MRPL22: variants seen among roughly 807,000 people sequenced by gnomAD.
MRPL22 encodes the protein mitochondrial ribosomal protein L22.
A neutral mutation model predicts 32.4 loss-of-function variants in MRPL22; 27 were observed. The ratio of observed to expected loss-of-function variants is 0.83; its 90% CI spans 0.61 to 1.15. The LOEUF (loss-of-function observed/expected upper bound fraction) is 1.15. Ranked by LOEUF, MRPL22 falls within the 50% of genes most tolerant of loss-of-function variation. MRPL22 has a pLI of 0.00. For missense variants in MRPL22, 239 were observed against 260.2 expected (o/e 0.92, Z 0.56); for synonymous variants, 86 against 87.3 (o/e 0.99, Z 0.08).
intron 2 of MRPL22, among the ~76,000 whole-genome samples, chr5:154,943,810 C>G (rs566809354): frequency 1.3e-5 from 2 of 151,820 alleles, no homozygotes; most frequent in Non-Finnish European, 2.9e-5. Context: ...GGATCACAGG[C>G]GTGCACTACT....
intron 3 of MRPL22, among the ~76,000 whole-genome samples, chr5:154,952,627 T>C (rs1012355145): frequency 6.6e-6 from 1 of 152,172 alleles, no homozygotes; most frequent in Non-Finnish European, 1.5e-5. Context: ...AGTAATTTAA[T>C]ATTGGTACAT....
At chr5:154,956,313 C>A in intron 3 of MRPL22, 58 bp from the exon 4 acceptor site, 1 of 1,220,922 alleles carries the variant, frequency 8.2e-7, no homozygotes, top group Non-Finnish European at 1.2e-6. Context: ...ATGTTATTGT[C>A]ATTTTGTGGT....
At chr5:154,942,185 A>G (rs748890301) in intron 2 of MRPL22, among the ~76,000 whole-genome samples, 5 of 152,190 alleles carry the variant, frequency 3.3e-5, no homozygotes, top group African/African-American at 7.2e-5. Context: ...GGCTGAAACA[A>G]TTCTCTTGCC....
Position 154,959,684 on chromosome 5 carries a change from A to G in MRPL22, c.340-296A>G, listed in dbSNP as rs569270117. Among the ~76,000 whole-genome samples the G allele has an allele frequency of 1.5e-4, 23 of 152,298 alleles. No individual in the cohort carries two copies. In the South Asian group the frequency reaches 4.6e-3, roughly 30 times the overall value. ...TTTTTGACAAGTTTCTGACTCAAAG[A>G]CATAATGTTCCTTCCCAAGGGTACT... On this transcript the variant is annotated intron_variant, in intron 5 of 6. Coordinates refer to ENST00000523037, the MANE Select transcript of MRPL22 (RefSeq NM_014180.4).
At chr5:154,953,639 T>TTA (rs918614025) in intron 3 of MRPL22, among the ~76,000 whole-genome samples, 7 of 151,308 alleles carry the variant, frequency 4.6e-5, no homozygotes, top group Non-Finnish European at 8.8e-5. Context: ...CTGATAATAA[T>TTA]ACCTTAATGT....
intron 2 of MRPL22, among the ~76,000 whole-genome samples, chr5:154,950,326 C>T (rs926524495): frequency 4.6e-5 from 7 of 152,146 alleles, no homozygotes; most frequent in Admixed American, 2.6e-4. Context: ...GACACAGAGC[C>T]GAGCCATATC....
rs767414752 is a variant in MRPL22, at chr5:154,941,152, A to G, written c.28+14A>G. The G allele has an allele frequency of 6.2e-6, 10 of 1,614,082 alleles. No homozygotes were observed. The highest frequency in any genetic ancestry group is 1.7e-5 in the Admixed American group (1 of 60,024). On this transcript the variant is annotated intron_variant, in intron 1 of 6. Coordinates refer to ENST00000523037, the MANE Select transcript of MRPL22 (RefSeq NM_014180.4). ...TGGGACAGTTGGGTAAGGATTTCTT[A>G]GTGGTTAAGCGACAGAAGGGAGTCG... is the stretch of plus-strand genomic sequence containing the variant.
intron 2 of MRPL22, among the ~76,000 whole-genome samples, chr5:154,943,361 T>TC: frequency 6.6e-6 from 1 of 151,918 alleles, no homozygotes; most frequent in African/African-American, 2.4e-5. Flanking sequence ...TCCTCCTGCC[T>TC]TGGCCTGGAG....
chr5:154,948,695 A>G (rs1462306001), intron 2 of MRPL22, among the ~76,000 whole-genome samples: 1 of 152,198 alleles, frequency 6.6e-6, no homozygotes, highest in Non-Finnish European at 1.5e-5. Context: ...TGCTATAATA[A>G]TTTGCTATTC....
In MRPL22 at chr5:154,955,977, A is replaced by G. The variant is rs531466803; in HGVS notation, c.196-394A>G. On this transcript the variant is annotated intron_variant, in intron 3 of 6. Transcript: ENST00000523037. ...GAATATTGGCTTTTCACATGAAAAC[A>G]CTTGTCCATTTTGCCATTTTTCTCC... 3.6e-5 allele frequency: 7 copies of G among 193,208 alleles called. No homozygotes were observed. In the East Asian group the frequency reaches 1.1e-3, roughly 29 times the overall value. The allele number at this position is 193,208 out of a possible 1,614,324, so 12.0% of individuals were successfully genotyped here. A position where few individuals can be genotyped will look rare whatever the true frequency, so the allele number is the denominator to read the frequency against.
intron 2 of MRPL22, among the ~76,000 whole-genome samples, chr5:154,946,130 G>A (rs753297957): frequency 5.3e-5 from 8 of 152,126 alleles, no homozygotes; most frequent in Non-Finnish European, 7.3e-5. Context: ...TTTGAAGAGC[G>A]CAAGGTACTG....
intron 2 of MRPL22, among the ~76,000 whole-genome samples, chr5:154,944,005 CTG>C (rs1764455813): frequency 6.6e-6 from 1 of 152,088 alleles, no homozygotes; most frequent in Non-Finnish European, 1.5e-5. Flanking sequence ...TCCTATTTTA[CTG>C]ATGCATACAT....
At chr5:154,951,062 G>C (rs1764554686) in intron 3 of MRPL22, 124 bp downstream of exon 3, 3 of 661,800 alleles carry the variant, frequency 4.5e-6, no homozygotes, top group African/African-American at 1.8e-5. Flanking sequence ...TGACAGAGAA[G>C]ATGTACTAGA....
At chr5:154,951,490 G>T (rs1764560990) in intron 3 of MRPL22, among the ~76,000 whole-genome samples, 1 of 152,116 alleles carries the variant, frequency 6.6e-6, no homozygotes, top group Admixed American at 6.5e-5. Flanking sequence ...TGAAAGATTT[G>T]TCAGTATAGG....
chr5:154,948,148 A>G (rs1324805193), intron 2 of MRPL22, among the ~76,000 whole-genome samples: 1 of 152,170 alleles, frequency 6.6e-6, no homozygotes, highest in Non-Finnish European at 1.5e-5. Flanking sequence ...ATGAACCTCC[A>G]TGTATCCGTC....
chr5:154,949,013 G>C (rs982782906), intron 2 of MRPL22, among the ~76,000 whole-genome samples: 1 of 152,158 alleles, frequency 6.6e-6, no homozygotes, highest in Non-Finnish European at 1.5e-5. Context: ...TCCACAAGTT[G>C]GCTCCTGAGT....
intron 3 of MRPL22, among the ~76,000 whole-genome samples, chr5:154,952,083 G>A (rs1046218850): frequency 1.2e-4 from 19 of 152,024 alleles, no homozygotes; most frequent in African/African-American, 4.1e-4. Flanking sequence ...GGGTTTCATC[G>A]TGTTAGCCAG....
chr5:154,956,931 A>G (rs577006622), intron 4 of MRPL22: 113 of 532,878 alleles, frequency 2.1e-4, no homozygotes, highest in African/African-American at 1.8e-3. Context: ...AACTATTATA[A>G]TCTCAGTTTT....
chr5:154,960,477 G>T (rs1029618626), intron 6 of MRPL22, among the ~76,000 whole-genome samples: 2 of 152,182 alleles, frequency 1.3e-5, no homozygotes, highest in African/African-American at 4.8e-5. Flanking sequence ...AAGGTGTCCT[G>T]TAATTTAACC....
Sources: gnomAD v4.1 joint callset for allele counts (sites outside exome capture counted in the v4.1 genomes callset) on GRCh38, gnomAD v4.1.1 for gene constraint, MANE v1.5 for transcripts, NCBI Gene and HGNC (gene_info 2026-07-23, HGNC 2026-07-21) for gene names.